Variants in RBM45 observed in about 807,000 individuals in gnomAD.
RBM45 encodes the protein RNA binding motif protein 45.
RBM45 carries 39 observed loss-of-function variants against 58.5 expected under a neutral mutation model. The observed-to-expected ratio is 0.67, with a 90% CI of 0.52 to 0.87. The LOEUF is 0.87. RBM45 is among the 40% of genes least tolerant of loss of function. The pLI is 0.00. For synonymous variants in RBM45, 193 were observed against 203.0 expected, an observed-to-expected ratio of 0.95 and a Z score of 0.42; for missense variants, 481 against 581.6, an observed-to-expected ratio of 0.83 and a Z score of 1.78.
At chr2:178,133,329 C>A (rs911472988), downstream of RBM45, among the ~76,000 whole-genome samples, 2 of 152,046 alleles carry the variant, frequency 1.3e-5, no homozygotes, top group African/African-American at 4.8e-5. Context: ...TTTTTATTTA[C>A]ATTTATTTTT....
chr2:178,135,330 C>T (rs950853771), intron 3 of RBM45, among the ~76,000 whole-genome samples: 4 of 152,218 alleles, frequency 2.6e-5, no homozygotes. Context: ...AAAGATAGCA[C>T]CTACCTTTGG....
intron 7 of RBM45, 59 bp downstream of exon 7, chr2:178,123,971 A>G: frequency 6.5e-7 from 1 of 1,534,642 alleles, no homozygotes; most frequent in Non-Finnish European, 9.0e-7. Flanking sequence ...ATAAATGTGA[A>G]GAGAAATCAT....
intron 3 of RBM45, 131 bp downstream of exon 3, chr2:178,118,312 T>C: frequency 1.1e-6 from 1 of 885,278 alleles, no homozygotes; most frequent in South Asian, 2.5e-5. Context: ...TATTTAAATA[T>C]TTACAGTCCA....
downstream of RBM45, among the ~76,000 whole-genome samples, chr2:178,130,792 T>A (rs1454731901): frequency 6.6e-6 from 1 of 152,242 alleles, no homozygotes; most frequent in Non-Finnish European, 1.5e-5. Flanking sequence ...CTGAGTATCT[T>A]ATACTTGGAC....
intron 1 of RBM45, among the ~76,000 whole-genome samples, chr2:178,113,292 A>G (rs772438597): frequency 3.1e-5 from 4 of 128,218 alleles, no homozygotes; most frequent in Non-Finnish European, 6.6e-5. Context: ...ATGAGGCGTT[A>G]ACAACTTGAC....
intron 3 of RBM45, among the ~76,000 whole-genome samples, chr2:178,119,357 A>G (rs931186874): frequency 1.3e-5 from 2 of 152,216 alleles, no homozygotes; most frequent in Non-Finnish European, 2.9e-5. Context: ...ACAGAAGGTG[A>G]GAGCAGTGCT....
At chr2:178,113,123 G>A (rs986619291) in intron 1 of RBM45, among the ~76,000 whole-genome samples, 2 of 152,156 alleles carry the variant, frequency 1.3e-5, no homozygotes, top group Non-Finnish European at 2.9e-5. Context: ...AGCAGTGGCT[G>A]GGCTTCCCCT....
In RBM45 at chr2:178,113,788, A is replaced by T. The variant is rs1003714525; in HGVS notation, c.300+942A>T. Among the ~76,000 whole-genome samples the T allele has an allele frequency of 2.6e-5, 4 of 152,342 alleles. No individual in the cohort carries two copies. The East Asian group carries it at 5.8e-4, about 22-fold the overall frequency. ...TTAAATTGTAGCCTTCGTCTGCCCC[A>T]TGTAAATAGTTGCTGTGTATGTTAT... On this transcript the variant is annotated intron_variant, in intron 1 of 9. Coordinates refer to ENST00000286070, the MANE Select transcript of RBM45 (RefSeq NM_152945.4).
At chr2:178,123,485 G>A in intron 5 of RBM45, 37 bp from the exon 6 acceptor site, 1 of 1,530,882 alleles carries the variant, frequency 6.5e-7, no homozygotes, top group Non-Finnish European at 8.7e-7. Context: ...CACTCAGTCT[G>A]CTTTCCTTTT....
chr2:178,119,941 CT>C (rs1417689617), intron 3 of RBM45, among the ~76,000 whole-genome samples: 3 of 152,068 alleles, frequency 2.0e-5, no homozygotes, highest in African/African-American at 7.2e-5. Context: ...AAGGAAGAAA[CT>C]TGGTGACAGG....
At chr2:178,123,391 A>G (rs1459364358) in intron 5 of RBM45, 131 bp from the exon 6 acceptor site, 2 of 867,174 alleles carry the variant, frequency 2.3e-6, no homozygotes, top group Admixed American at 3.2e-5. Flanking sequence ...TTTCTGATAC[A>G]TTCGATTCTG....
At position 178,124,268 on chromosome 2, in the gene RBM45, G is replaced by C. The variant is rs1238010437; in HGVS notation, c.1210G>C (p.Asp404His). 6.4e-7 allele frequency: 1 copy of C among 1,566,266 alleles called. No homozygotes were observed. Among genetic ancestry groups the C allele is most frequent in the Non-Finnish European group, 8.7e-7 (1 of 1,155,354 alleles). The change falls in exon 8 of 10, where the codon GAC (aspartate) becomes CAC (histidine). Residue 404 changes from aspartate to histidine, a missense_variant. Coordinates refer to ENST00000286070, the MANE Select transcript of RBM45 (RefSeq NM_152945.4). ...IVFNPHPLPL[D>H]VLEDIFCRFG... The stretch of plus-strand genomic sequence containing the variant: ...GTTTAATCCTCATCCTTTACCTTTA[G>C]ACGTATTAGAAGATATATTCTGGTA...
intron 9 of RBM45, among the ~76,000 whole-genome samples, chr2:178,127,299 C>T (rs1231120672): frequency 6.6e-6 from 1 of 152,216 alleles, no homozygotes; most frequent in African/African-American, 2.4e-5. Flanking sequence ...CACACACTAA[C>T]TTTCCAAGTC....
intron 9 of RBM45, among the ~76,000 whole-genome samples, chr2:178,127,802 A>G (rs1380060663): frequency 1.3e-5 from 2 of 152,122 alleles, no homozygotes; most frequent in African/African-American, 4.8e-5. Flanking sequence ...GGAAATAAAT[A>G]GTTCTTGCTT....
At chr2:178,130,457 C>T (rs1165207206), downstream of RBM45, among the ~76,000 whole-genome samples, 4 of 151,924 alleles carry the variant, frequency 2.6e-5, no homozygotes, top group South Asian at 2.1e-4. Flanking sequence ...CCTAGGAGAC[C>T]GAGGCTACCG....
intron 1 of RBM45, 89 bp downstream of exon 1, chr2:178,112,935 G>A (rs1462113311): frequency 5.8e-6 from 8 of 1,381,032 alleles, no homozygotes; most frequent in Non-Finnish European, 7.9e-6. Flanking sequence ...GGTGAGGGAG[G>A]AGTGGAACAT....
chr2:178,112,575 G>A lies in RBM45; in HGVS notation c.29G>A (p.Gly10Asp). 6.3e-7 allele frequency: 1 copy of A among 1,578,950 alleles called. No homozygotes were observed. Among genetic ancestry groups the A allele is most frequent in the Middle Eastern group, 1.7e-4 (1 of 5,826 alleles). Residue 10 changes from glycine (G) to aspartate (D), a missense_variant, in exon 1 of 10, where the codon GGC becomes GAC. Gly to Asp is a moderately conservative substitution (Grantham distance 94, BLOSUM62 -1). Transcript: ENST00000286070. Reference sequence around the variant, plus strand: ...GACGAAGCTGGCAGCTCTGCGAGCGGCGGGGGCTTCCGCCCGGGCGTGGAC... The same window carrying A: ...GACGAAGCTGGCAGCTCTGCGAGCGACGGGGGCTTCCGCCCGGGCGTGGAC... MDEAGSSAS[G>D]GGFRPGVDSL...
intron 9 of RBM45, among the ~76,000 whole-genome samples, chr2:178,128,928 G>T (rs530271332): frequency 2.6e-5 from 4 of 152,098 alleles, no homozygotes; most frequent in Admixed American, 2.6e-4. Flanking sequence ...GTTTTTTGGG[G>T]TAGGTGCACT....
intron 5 of RBM45, among the ~76,000 whole-genome samples, chr2:178,121,605 T>C (rs1209926446): frequency 6.6e-6 from 1 of 152,190 alleles, no homozygotes; most frequent in Non-Finnish European, 1.5e-5. Flanking sequence ...TACAAAATTG[T>C]TCACTGTAAA....
Sources: allele counts gnomAD v4.1 joint callset (sites outside exome capture counted in the v4.1 genomes callset), GRCh38; gene constraint gnomAD v4.1.1; transcripts MANE v1.5; gene names NCBI Gene and HGNC (gene_info 2026-07-23, HGNC 2026-07-21).